The following XYLB variants were observed in gnomAD, a reference collection of about 807,000 sequenced individuals.
XYLB encodes the protein xylulokinase, also known as xylulose kinase.
In XYLB, 62 loss-of-function variants were observed where a neutral mutation model predicts 78.7. That is an observed-to-expected ratio of 0.79 (90% CI 0.64 to 0.97). The LOEUF is 0.97. Among genes scored for constraint, XYLB ranks in the 50% least tolerant of loss-of-function variants. The probability of loss-of-function intolerance (pLI) is 0.00; values close to 1 mark genes in which losing one functional copy is unlikely to be tolerated. For synonymous variants in XYLB, 245 were observed against 247.4 expected, an observed-to-expected ratio of 0.99 and a Z score of 0.09; for missense variants, 687 against 676.8, an observed-to-expected ratio of 1.02 and a Z score of -0.17.
intron 3 of XYLB, among the ~76,000 whole-genome samples, chr3:38,361,101 C>T (rs1196755681): frequency 6.6e-6 from 1 of 152,202 alleles, no homozygotes. Context: ...CCTCCAAGAT[C>T]CCTTAGCTCC....
Position 38,363,839 on chromosome 3 carries a change from G to A in XYLB, c.291+822G>A, listed in dbSNP as rs561995196. Among the ~76,000 whole-genome samples, 3 of 152,322 alleles carry A rather than the reference G, an allele frequency of 2.0e-5. No individual in the cohort carries two copies. The South Asian group carries it at 6.2e-4, about 32-fold the overall frequency. On this transcript the variant is annotated intron_variant, in intron 4 of 18. Transcript: ENST00000207870. ...TCAGGACCTGAGTCTATCTCATTCA[G>A]TCCCTTGGCTGTGCTGGGATCACTT...
chr3:38,419,960 C>T (rs1024877727), downstream of XYLB, among the ~76,000 whole-genome samples: 3 of 152,006 alleles, frequency 2.0e-5, no homozygotes, highest in Non-Finnish European at 4.4e-5. Flanking sequence ...ACTGGGATTA[C>T]AGGCACCCCC....
At chr3:38,352,374 T>C (rs1331642549) in intron 2 of XYLB, among the ~76,000 whole-genome samples, 1 of 152,212 alleles carries the variant, frequency 6.6e-6, no homozygotes, top group African/African-American at 2.4e-5. Flanking sequence ...ACAGAAGTTT[T>C]TATGTATTGA....
At chr3:38,373,655 G>A (rs1706692771) in intron 10 of XYLB, among the ~76,000 whole-genome samples, 1 of 152,178 alleles carries the variant, frequency 6.6e-6, no homozygotes. Flanking sequence ...TATAGGATAA[G>A]TTCTCAAAGG....
At chr3:38,397,488 G>C (rs1216760072) in intron 17 of XYLB, among the ~76,000 whole-genome samples, 1 of 152,166 alleles carries the variant, frequency 6.6e-6, no homozygotes, top group African/African-American at 2.4e-5. Flanking sequence ...GAGGGCAGGA[G>C]AGGTGGACAA....
chr3:38,376,174 C>T lies in XYLB; in HGVS notation c.1062C>T (p.Ser354=). The T allele has an allele frequency of 1.9e-6, 3 of 1,614,212 alleles. No individual in the cohort carries two copies. Among genetic ancestry groups the T allele is most frequent in the Non-Finnish European group, 2.5e-6 (3 of 1,180,040 alleles). Residue 354 remains serine, a synonymous_variant, in exon 13 of 19, where the codon TCC becomes TCT. Coordinates refer to ENST00000207870, the MANE Select transcript of XYLB (RefSeq NM_005108.4). ...EKIRNESVSR[S]WSDFSKALQS... is the part of the protein sequence containing the mutation. The stretch of plus-strand genomic sequence containing the variant: ...TCCGCAACGAGTCTGTATCCCGTTC[C>T]TGGAGCGATTTCTCTAAGGCACTGC...
intron 17 of XYLB, among the ~76,000 whole-genome samples, chr3:38,400,198 G>A (rs749637729): frequency 5.9e-5 from 9 of 152,152 alleles, no homozygotes; most frequent in Non-Finnish European, 1.2e-4. Flanking sequence ...AGTGCCCCCT[G>A]TATGCCAGAT....
chr3:38,391,749 G>A (rs1472756124), intron 15 of XYLB, among the ~76,000 whole-genome samples: 1 of 152,192 alleles, frequency 6.6e-6, no homozygotes, highest in African/African-American at 2.4e-5. Context: ...TTTCAGGAGT[G>A]AGTTCACCAT....
chr3:38,358,643 C>T (rs1093691), intron 2 of XYLB, among the ~76,000 whole-genome samples: 135,986 of 152,068 alleles, frequency 0.89, 61,394 homozygotes, highest in East Asian at 1. Context: ...CGTGCCCAGC[C>T]GAAATGCCAG....
At chr3:38,370,404 C>T (rs180791406) in intron 9 of XYLB, 23 of 392,738 alleles carry the variant, frequency 5.9e-5, no homozygotes, top group East Asian at 4.6e-4. Context: ...TTATGGTCAG[C>T]GGGACTTTGG....
At chr3:38,427,303 G>C in the XYLB span, among the ~76,000 whole-genome samples, 3 of 152,288 alleles carry the variant, frequency 2.0e-5, no homozygotes, top group Admixed American at 2.0e-4. Flanking sequence ...CTCCCACAAA[G>C]TGCTGGGATT....
intron 9 of XYLB, 162 bp downstream of exon 9, chr3:38,370,336 G>A (rs966408895): frequency 1.7e-6 from 1 of 605,398 alleles, no homozygotes; most frequent in African/African-American, 1.8e-5. Context: ...TTTAGCCTAA[G>A]ATGTAAGTCA....
chr3:38,356,363 A>C (rs1444734778), intron 2 of XYLB: 1 of 152,536 alleles, frequency 6.6e-6, no homozygotes, highest in African/African-American at 2.4e-5. Context: ...TATTCAAAGA[A>C]CAATATCACT....
chr3:38,363,114 C>T, intron 4 of XYLB, 97 bp downstream of exon 4: 1 of 1,023,950 alleles, frequency 9.8e-7, no homozygotes. Context: ...TGGGGAGCGG[C>T]TCATTCTTGA....
chr3:38,363,180 G>T (rs1706068413), intron 4 of XYLB, among the ~76,000 whole-genome samples, 163 bp downstream of exon 4: 1 of 152,134 alleles, frequency 6.6e-6, no homozygotes, highest in Non-Finnish European at 1.5e-5. Context: ...TTTTACTTTG[G>T]AGACTGTATA....
At chr3:38,405,714 G>A (rs1347175459) in intron 18 of XYLB, among the ~76,000 whole-genome samples, 1 of 152,220 alleles carries the variant, frequency 6.6e-6, no homozygotes, top group Non-Finnish European at 1.5e-5. Context: ...CTTAAAAAAC[G>A]GCGCACCAGG....
chr3:38,440,687 G>A, the XYLB span, among the ~76,000 whole-genome samples: 2 of 152,230 alleles, frequency 1.3e-5, no homozygotes, highest in Non-Finnish European at 2.9e-5. Context: ...TGACAACAAG[G>A]TGGTATTGGA....
At chr3:38,415,449 G>A (rs931600812), downstream of XYLB, among the ~76,000 whole-genome samples, 1 of 152,026 alleles carries the variant, frequency 6.6e-6, no homozygotes, top group African/African-American at 2.4e-5. Flanking sequence ...GTGGGGATAA[G>A]GGTGGAAGAA....
Position 38,404,184 on chromosome 3 carries a change from T to C in XYLB, c.1533+3199T>C, listed in dbSNP as rs73825564. ...TGACTCCTTAATGTCCAATACAGGCTAGGACAACCTTAGGCCCCTCGCCTG... is the reference window on the plus strand; with the variant it reads ...TGACTCCTTAATGTCCAATACAGGCCAGGACAACCTTAGGCCCCTCGCCTG... On this transcript the variant is annotated intron_variant, in intron 18 of 18. Transcript: ENST00000207870. 3.0e-3 allele frequency among the ~76,000 whole-genome samples: 453 copies of C among 152,352 alleles called. 7 individuals are homozygous for C. The highest frequency in any genetic ancestry group is 0.01 in the African/African-American group (422 of 41,582).
Sources: gnomAD v4.1 joint callset for allele counts (sites outside exome capture counted in the v4.1 genomes callset) on GRCh38, gnomAD v4.1.1 for gene constraint, MANE v1.5 for transcripts, NCBI Gene and HGNC (gene_info 2026-07-23, HGNC 2026-07-21) for gene names.